Variants in CSMD1 observed in about 807,000 individuals in gnomAD.
CSMD1 encodes CUB and sushi domain-containing protein 1.
Under a neutral mutation model 417.5 loss-of-function variants are expected in CSMD1, and 213 were observed. The observed-to-expected ratio is 0.51, with a 90% confidence interval of 0.46 to 0.57. The LOEUF (loss-of-function observed/expected upper bound fraction) is 0.57. Among genes scored for constraint, CSMD1 ranks in the 20% least tolerant of loss-of-function variants. The pLI is 0.00. For missense variants in CSMD1, 6,923 were observed against 4,529.7 expected, an observed-to-expected ratio of 1.53 and a Z score of -15.17; for synonymous variants, 2,862 against 1,736.8, an observed-to-expected ratio of 1.65 and a Z score of -16.11.
intron 66 of CSMD1, 144 bp downstream of exon 66, chr8:2,950,970 G>T: frequency 1.5e-6 from 1 of 679,558 alleles, no homozygotes. Flanking sequence ...TCACGGCTAG[G>T]GAGAGGCTCC....
intron 3 of CSMD1, among the ~76,000 whole-genome samples, chr8:4,112,089 A>T (rs1045745589): frequency 1.3e-5 from 2 of 152,202 alleles, no homozygotes; most frequent in African/African-American, 4.8e-5. Flanking sequence ...AAATAAAAGG[A>T]AACTGAAGGA....
At chr8:4,530,700 G>T (rs149842822) in intron 2 of CSMD1, among the ~76,000 whole-genome samples, 1 of 150,580 alleles carries the variant, frequency 6.6e-6, no homozygotes, top group Non-Finnish European at 1.5e-5. Context: ...GCTGCATAGT[G>T]TTCCATGGTG....
intron 6 of CSMD1, among the ~76,000 whole-genome samples, chr8:3,735,071 C>G (rs919881930): frequency 6.6e-6 from 1 of 152,190 alleles, no homozygotes; most frequent in Admixed American, 6.5e-5. Flanking sequence ...TGGGAGGACA[C>G]ACGCCAGCCA....
chr8:4,903,811 T>C (rs984225463), intron 1 of CSMD1, among the ~76,000 whole-genome samples: 3 of 152,198 alleles, frequency 2.0e-5, no homozygotes, highest in African/African-American at 7.2e-5. Context: ...TTAGCCTGGC[T>C]CTTCAAACTC....
chr8:3,015,166 G>C (rs1051888689), intron 52 of CSMD1, among the ~76,000 whole-genome samples: 19 of 151,368 alleles, frequency 1.3e-4, no homozygotes, highest in African/African-American at 4.4e-4. Flanking sequence ...TTTGGTTCTT[G>C]TTTCAAGCAT....
At chr8:3,811,380 C>G (rs1459031708) in intron 5 of CSMD1, among the ~76,000 whole-genome samples, 1 of 152,138 alleles carries the variant, frequency 6.6e-6, no homozygotes, top group African/African-American at 2.4e-5. Flanking sequence ...GTGATTCTTA[C>G]TTGTTCTGAT....
At chr8:4,841,866 G>A (rs191860871) in intron 1 of CSMD1, among the ~76,000 whole-genome samples, 1 of 124,782 alleles carries the variant, frequency 8.0e-6, no homozygotes, top group African/African-American at 2.9e-5. Context: ...AGCCGAGATC[G>A]CACCGTTGCA....
At chr8:4,539,622 A>C (rs73182951) in intron 2 of CSMD1, among the ~76,000 whole-genome samples, 13,000 of 152,264 alleles carry the variant, frequency 0.085, 608 homozygotes, top group South Asian at 0.14. Context: ...AGTTTGATGT[A>C]CCACAGGTGG....
At chr8:4,581,205 A>G (rs1799401190) in intron 2 of CSMD1, among the ~76,000 whole-genome samples, 1 of 152,246 alleles carries the variant, frequency 6.6e-6, no homozygotes, top group Non-Finnish European at 1.5e-5. Flanking sequence ...GATAAAACTA[A>G]TTTGGCAATG....
chr8:3,883,399 T>G (rs1333604615), intron 5 of CSMD1, among the ~76,000 whole-genome samples: 1 of 152,062 alleles, frequency 6.6e-6, no homozygotes, highest in Non-Finnish European at 1.5e-5. Flanking sequence ...TTAAACTGGG[T>G]GTATGTGTGT....
At chr8:3,892,968 T>TA (rs35278840) in intron 5 of CSMD1, among the ~76,000 whole-genome samples, 80,587 of 148,546 alleles carry the variant, frequency 0.54, 24,529 homozygotes, top group Admixed American at 0.68. Context: ...ACCACAGTGA[T>TA]AAAAAAAAAA....
intron 1 of CSMD1, among the ~76,000 whole-genome samples, chr8:4,810,754 T>C (rs1798850758): frequency 6.6e-6 from 1 of 152,210 alleles, no homozygotes; most frequent in African/African-American, 2.4e-5. Flanking sequence ...TGCTCTGAAA[T>C]AATTGAAAAA....
intron 1 of CSMD1, among the ~76,000 whole-genome samples, chr8:4,987,705 A>G (rs1267285598): frequency 6.6e-6 from 1 of 152,152 alleles, no homozygotes; most frequent in African/African-American, 2.4e-5. Context: ...AAAAAGATTA[A>G]CATTTGAGTC....
intron 3 of CSMD1, among the ~76,000 whole-genome samples, chr8:4,342,290 G>C (rs1800525381): frequency 6.6e-6 from 1 of 150,538 alleles, no homozygotes. Flanking sequence ...TAAACCACAA[G>C]CCAAGATTCA....
chr8:3,083,646 ATAT>A (rs1814300681), intron 49 of CSMD1, among the ~76,000 whole-genome samples: 16 of 16,744 alleles, frequency 9.6e-4, no homozygotes, highest in Non-Finnish European at 1.2e-3. Flanking sequence ...ATATATATAT[ATAT>A]TTTTTTTTTT....
At chr8:4,787,100 T>C (rs1186627862) in intron 1 of CSMD1, among the ~76,000 whole-genome samples, 2 of 152,204 alleles carry the variant, frequency 1.3e-5, no homozygotes, top group Admixed American at 6.5e-5. Context: ...AGGGTGATAC[T>C]CGGCCTCCGC....
intron 23 of CSMD1, among the ~76,000 whole-genome samples, chr8:3,308,843 C>G (rs1027791810): frequency 2.5e-4 from 38 of 150,908 alleles, no homozygotes; most frequent in African/African-American, 9.0e-4. Flanking sequence ...CCTGCCTCAG[C>G]CTCCCAGGTA....
At chr8:3,710,197 C>CA (rs780743566) in intron 6 of CSMD1, among the ~76,000 whole-genome samples, 3 of 151,668 alleles carry the variant, frequency 2.0e-5, no homozygotes, top group African/African-American at 7.3e-5. Context: ...CGCAAATTTC[C>CA]AAAAAATGCT....
chr8:3,143,933 CA>C (rs1818673239), intron 40 of CSMD1, among the ~76,000 whole-genome samples: 1 of 152,052 alleles, frequency 6.6e-6, no homozygotes, highest in African/African-American at 2.4e-5. Context: ...GAAAAAAGTC[CA>C]AGTGAAAAAT....
Sources: gnomAD v4.1 joint callset for allele counts (sites outside exome capture counted in the v4.1 genomes callset) on GRCh38, gnomAD v4.1.1 for gene constraint, MANE v1.5 for transcripts, NCBI Gene and HGNC (gene_info 2026-07-23, HGNC 2026-07-21) for gene names.